The following ZNF90 variants were observed in gnomAD, a reference collection of about 807,000 sequenced individuals.
ZNF90 encodes the protein zinc finger protein 90, also known as zinc finger protein HTF9.
ZNF90 carries 11 observed loss-of-function variants against 12.0 expected under a neutral mutation model. The ratio of observed to expected loss-of-function variants is 0.92; its 90% CI spans 0.58 to 1.52. ZNF90 has a LOEUF of 1.52. Among genes scored for constraint, ZNF90 ranks in the 40% most tolerant of loss-of-function variants. The pLI is 0.00. For synonymous variants in ZNF90, 232 were observed against 240.1 expected (o/e 0.97, Z 0.31); for missense variants, 765 against 711.5 (o/e 1.08, Z -0.86).
intron 1 of ZNF90, among the ~76,000 whole-genome samples, chr19:20,094,782 G>A (rs1322838159): frequency 6.6e-6 from 1 of 152,190 alleles, no homozygotes; most frequent in Non-Finnish European, 1.5e-5. Context: ...TGGAATTCCT[G>A]TGTATATTTA....
At chr19:20,113,260 C>G (rs1555705338) in intron 3 of ZNF90, among the ~76,000 whole-genome samples, 1 of 151,830 alleles carries the variant, frequency 6.6e-6, no homozygotes, top group African/African-American at 2.4e-5. Flanking sequence ...AGGATCTCAG[C>G]TCACTATACA....
intron 1 of ZNF90, among the ~76,000 whole-genome samples, chr19:20,098,061 C>T (rs1443515836): frequency 1.3e-5 from 2 of 152,092 alleles, no homozygotes; most frequent in Non-Finnish European, 2.9e-5. Flanking sequence ...AATCCATAAA[C>T]TTGACCCAAA....
intron 3 of ZNF90, among the ~76,000 whole-genome samples, chr19:20,108,777 G>GTTTTTTTTTTTTTTTTTTTTT: frequency 7.8e-6 from 1 of 127,772 alleles, no homozygotes. Flanking sequence ...TGTCATCCAG[G>GTTTTTTTTTTTTTTTTTTTTT]TTAAAGTGCA....
intron 3 of ZNF90, among the ~76,000 whole-genome samples, chr19:20,115,693 G>A (rs1274705991): frequency 1.3e-5 from 2 of 151,552 alleles, no homozygotes; most frequent in African/African-American, 4.8e-5. Flanking sequence ...TAGTTTGTTT[G>A]TTCAGCTTTT....
intron 1 of ZNF90, among the ~76,000 whole-genome samples, chr19:20,079,415 C>T (rs866761521): frequency 7.9e-5 from 12 of 151,452 alleles, no homozygotes; most frequent in African/African-American, 2.9e-4. Flanking sequence ...TTTTGAGGCA[C>T]TTGTTTGACT....
intron 3 of ZNF90, among the ~76,000 whole-genome samples, chr19:20,117,032 TGTGTGTGTGTGTGTGAGA>T (rs2089143215): frequency 6.7e-6 from 1 of 148,476 alleles, no homozygotes; most frequent in African/African-American, 2.5e-5. Flanking sequence ...TGTGTGTGTG[TGTGTGTGTGTGTGTGAGA>T]GAGAGAGAGA....
At chr19:20,091,369 C>T (rs58976252) in intron 1 of ZNF90, among the ~76,000 whole-genome samples, 2,131 of 151,972 alleles carry the variant, frequency 0.014, 46 homozygotes, top group African/African-American at 0.049. Context: ...GACGGTCTAG[C>T]GGCTTGTAAC....
intron 3 of ZNF90, among the ~76,000 whole-genome samples, chr19:20,113,641 AAC>A (rs2089110680): frequency 6.6e-6 from 1 of 152,080 alleles, no homozygotes; most frequent in Admixed American, 6.5e-5. Context: ...CATCCTGGCT[AAC>A]ACGGTGAAAC....
chr19:20,116,106 C>G (rs1460107006), intron 3 of ZNF90, among the ~76,000 whole-genome samples: 2 of 152,118 alleles, frequency 1.3e-5, no homozygotes, highest in Admixed American at 6.5e-5. Context: ...CTCCTGACCT[C>G]AAATGATTCA....
chr19:20,110,643 TCCA>T (rs1182835079), intron 3 of ZNF90, among the ~76,000 whole-genome samples: 1 of 152,192 alleles, frequency 6.6e-6, no homozygotes. Context: ...ATCTTTGTTT[TCCA>T]CCAACGTTTA....
Position 20,118,086 on chromosome 19 carries a change from T to A in ZNF90, c.532T>A (p.Cys178Ser). The change falls in exon 4 of 4, where the codon TGT becomes AGT. Residue 178 changes from cysteine to serine, a missense_variant. Transcript: ENST00000418063. Reference protein sequence around the residue: ...TGKKPFKCIECGKAFNQSSTL... With the variant: ...TGKKPFKCIESGKAFNQSSTL... ...AAAAAAACCTTTCAAATGTATAGAA[T>A]GTGGCAAAGCTTTCAACCAGTCCTC... 1.2e-6 allele frequency: 2 copies of A among 1,613,702 alleles called. No individual in the cohort carries two copies. The highest frequency in any genetic ancestry group is 1.7e-6 in the Non-Finnish European group (2 of 1,179,780).
chr19:20,086,363 T>C (rs1401311678), intron 1 of ZNF90, among the ~76,000 whole-genome samples: 2 of 149,522 alleles, frequency 1.3e-5, no homozygotes, highest in Non-Finnish European at 3.0e-5. Context: ...GCCTCCAGAA[T>C]AGCTGGGATT....
intron 1 of ZNF90, among the ~76,000 whole-genome samples, chr19:20,082,463 C>T (rs2088827451): frequency 6.6e-6 from 1 of 152,156 alleles, no homozygotes; most frequent in Admixed American, 6.5e-5. Context: ...TAATCTGTAA[C>T]CCTACCCGCT....
rs141126640 is a variant in ZNF90, at chr19:20,114,917, G to A, written c.227-2864G>A. Among the ~76,000 whole-genome samples, 296 of 151,962 alleles carry A rather than the reference G, an allele frequency of 1.9e-3. 1 individual carries two copies. Among genetic ancestry groups the A allele is most frequent in the Middle Eastern group, 3.4e-3 (1 of 294 alleles). On this transcript the variant is annotated intron_variant, in intron 3 of 3. Coordinates refer to ENST00000418063, the MANE Select transcript of ZNF90 (RefSeq NM_007138.2). ...ATATTTCTCTCTATGTGTTTATTCC[G>A]TTTTCTTACTATTTGCTTTATATAT... is the stretch of plus-strand genomic sequence containing the variant.
intron 1 of ZNF90, among the ~76,000 whole-genome samples, chr19:20,099,809 ACTCTAAGTATG>A (rs1370828919): frequency 6.6e-6 from 1 of 152,142 alleles, no homozygotes; most frequent in Admixed American, 6.5e-5. Context: ...ATATATACAG[ACTCTAAGTATG>A]CTTACTTAGT....
Position 20,078,099 on chromosome 19 carries a change from G to A in ZNF90, c.-34G>A. 6.2e-7 allele frequency: 1 copy of A among 1,614,096 alleles called. No individual in the cohort carries two copies. The highest frequency in any genetic ancestry group is 1.1e-5 in the South Asian group (1 of 91,064). On this transcript the variant is annotated 5_prime_UTR_variant, in exon 1 of 4. Transcript: ENST00000418063. Reference sequence around the variant, plus strand: ...GCCCTGTGACCTGCAGGTATTGGGAGATCCACAGCTGAGGGACCCCCGGAA... The same window carrying A: ...GCCCTGTGACCTGCAGGTATTGGGAAATCCACAGCTGAGGGACCCCCGGAA...
At chr19:20,089,262 C>T (rs936757564) in intron 1 of ZNF90, among the ~76,000 whole-genome samples, 3 of 151,982 alleles carry the variant, frequency 2.0e-5, no homozygotes, top group Admixed American at 6.6e-5. Flanking sequence ...CTGTTATTTT[C>T]GGGGCTGGGT....
At chr19:20,093,874 A>G (rs562466886) in intron 1 of ZNF90, among the ~76,000 whole-genome samples, 119 of 140,986 alleles carry the variant, frequency 8.4e-4, no homozygotes, top group Non-Finnish European at 1.3e-3. Context: ...CGATCGGGCA[A>G]TGTCAATCTT....
chr19:20,087,178 TTTGGGTG>T (rs1555702193), intron 1 of ZNF90: 1 of 152,150 alleles, frequency 6.6e-6, no homozygotes, highest in Non-Finnish European at 1.5e-5. Flanking sequence ...TAGCTTGCAC[TTTGGGTG>T]TTTAGAGAGA....
Sources: gnomAD v4.1 joint callset for allele counts (sites outside exome capture counted in the v4.1 genomes callset) on GRCh38, gnomAD v4.1.1 for gene constraint, MANE v1.5 for transcripts, NCBI Gene and HGNC (gene_info 2026-07-23, HGNC 2026-07-21) for gene names.